The following GNAZ variants were observed in gnomAD, a reference collection of about 807,000 sequenced individuals.
GNAZ encodes G protein subunit alpha z.
A neutral mutation model predicts 25.4 loss-of-function variants in GNAZ; 3 were observed. The observed-to-expected ratio is 0.12, with a 90% CI of 0.05 to 0.30. The LOEUF is 0.30. Among genes scored for constraint, GNAZ ranks in the 10% least tolerant of loss-of-function variants. The pLI, the probability that GNAZ is intolerant of heterozygous loss-of-function variation, is 1.00. For synonymous variants in GNAZ, 211 were observed against 205.7 expected (o/e 1.03, Z -0.22); for missense variants, 241 against 501.8 (o/e 0.48, Z 4.97).
At position 23,096,375 on chromosome 22, in the gene GNAZ, A is replaced by T; in HGVS notation, c.680A>T (p.Glu227Val). Residue 227 changes from glutamate (E) to valine (V), a missense_variant, in exon 2 of 3, where the codon GAG (glutamate) becomes GTG (valine). Coordinates refer to ENST00000615612, the MANE Select transcript of GNAZ (RefSeq NM_002073.4). ...GTCACAGCCATCATCTTCTGTGTGG[A>T]GCTCAGCGGCTACGACCTGAAACTC... ...EGVTAIIFCV[E>V]LSGYDLKLYE... 1 of 1,612,832 alleles carries T rather than the reference A, an allele frequency of 6.2e-7. No individual in the cohort carries two copies. The highest frequency in any genetic ancestry group is 8.5e-7 in the Non-Finnish European group (1 of 1,179,902).
At position 23,095,506 on chromosome 22, in the gene GNAZ, A is replaced by G. The variant is rs962698348; in HGVS notation, c.-190A>G. The G allele has an allele frequency of 1.6e-6, 1 of 636,144 alleles. No individual in the cohort carries two copies. Among genetic ancestry groups the G allele is most frequent in the Non-Finnish European group, 2.7e-6 (1 of 371,640 alleles). The allele number at this position is 636,144 out of a possible 1,614,324, so 39.4% of individuals were successfully genotyped here. ...GAGGGGCGGCCACCGCCCGCTGCACAGAGCGCCATGCCGGCTGGAGAAGAG... is the reference window on the plus strand; with the variant it reads ...GAGGGGCGGCCACCGCCCGCTGCACGGAGCGCCATGCCGGCTGGAGAAGAG... On this transcript the variant is annotated 5_prime_UTR_variant, in exon 2 of 3. Transcript: ENST00000615612.
chr22:23,089,212 G>T (rs1308497755), intron 1 of GNAZ, among the ~76,000 whole-genome samples: 1 of 152,198 alleles, frequency 6.6e-6, no homozygotes, highest in Non-Finnish European at 1.5e-5. Context: ...CCCGCCCCTG[G>T]CTTAGCCGGC....
At chr22:23,077,104 C>T (rs1215570412) in intron 1 of GNAZ, among the ~76,000 whole-genome samples, 39 of 152,142 alleles carry the variant, frequency 2.6e-4, no homozygotes, top group Admixed American at 2.6e-3. Flanking sequence ...GTGATGTCTG[C>T]AGCGGGCACG....
At chr22:23,097,181 G>A (rs556860734) in intron 2 of GNAZ, among the ~76,000 whole-genome samples, 2 of 152,322 alleles carry the variant, frequency 1.3e-5, no homozygotes, top group East Asian at 1.9e-4. Context: ...GGGGATGGGG[G>A]AGTGGGGGCA....
chr22:23,120,049 C>A (rs942428779), intron 2 of GNAZ, among the ~76,000 whole-genome samples: 2 of 152,180 alleles, frequency 1.3e-5, no homozygotes, highest in Admixed American at 6.5e-5. Context: ...AGATGTTTGT[C>A]TGTCCTGATG....
At chr22:23,082,903 C>CA (rs2068721554) in intron 1 of GNAZ, among the ~76,000 whole-genome samples, 1 of 152,116 alleles carries the variant, frequency 6.6e-6, no homozygotes, top group Non-Finnish European at 1.5e-5. Context: ...GTCTTCCCCC[C>CA]AAACCTTGCC....
chr22:23,112,568 C>A, intron 2 of GNAZ, among the ~76,000 whole-genome samples: 1 of 152,152 alleles, frequency 6.6e-6, no homozygotes, highest in South Asian at 2.1e-4. Flanking sequence ...CTGGGCTGAG[C>A]TCCTGGTGGA....
chr22:23,073,136 G>A (rs2068420416), intron 1 of GNAZ, among the ~76,000 whole-genome samples: 1 of 152,268 alleles, frequency 6.6e-6, no homozygotes, highest in Non-Finnish European at 1.5e-5. Context: ...AAGACGGTGT[G>A]TGGTGGCAAA....
chr22:23,123,091 G>A lies in GNAZ; in HGVS notation c.728G>A (p.Arg243Gln). The A allele has an allele frequency of 1.2e-6, 2 of 1,609,468 alleles. No homozygotes were observed. The highest frequency in any genetic ancestry group is 1.7e-6 in the Non-Finnish European group (2 of 1,175,820). ...CCAGTACTTTCCTTTCCCCAGAGTC[G>A]GATGGCAGAGAGCTTGCGCCTCTTT... is the stretch of plus-strand genomic sequence containing the variant. ...LKLYEDNQTS[R>Q]MAESLRLFDS... Residue 243 changes from arginine (R) to glutamine (Q), a missense_variant, in exon 3 of 3, where the codon CGG becomes CAG. By Grantham distance (43) the Arg-to-Gln change is conservative. Coordinates refer to ENST00000615612, the MANE Select transcript of GNAZ (RefSeq NM_002073.4).
rs545366122 is a variant in GNAZ at position 23,123,264 on chromosome 22, G to A, written c.901G>A (p.Ala301Thr). ...YKGQNTYEEA[A>T]VYIQRQFEDL... ...GGGCCAGAACACGTACGAGGAGGCC[G>A]CTGTCTACATCCAGCGGCAGTTTGA... Residue 301 changes from alanine (A) to threonine (T), a missense_variant, in exon 3 of 3, where the codon GCT (alanine) becomes ACT (threonine). Transcript: ENST00000615612. The A allele has an allele frequency of 7.7e-5, 124 of 1,613,924 alleles. No homozygotes were observed. Among genetic ancestry groups the A allele is most frequent in the Non-Finnish European group, 9.4e-5 (111 of 1,179,994 alleles).
intron 2 of GNAZ, among the ~76,000 whole-genome samples, chr22:23,117,152 A>T (rs1010913391): frequency 6.6e-6 from 1 of 152,128 alleles, no homozygotes; most frequent in Non-Finnish European, 1.5e-5. Context: ...GTTACCAGGA[A>T]CGTTGGTAAC....
chr22:23,119,889 G>A (rs990826641), intron 2 of GNAZ, among the ~76,000 whole-genome samples: 3 of 152,170 alleles, frequency 2.0e-5, no homozygotes, highest in Non-Finnish European at 4.4e-5. Flanking sequence ...TCATCTCCTC[G>A]GTGCCCACTA....
Position 23,095,563 on chromosome 22 carries a change from C to A in GNAZ, c.-133C>A. 1.0e-6 allele frequency: 1 copy of A among 987,906 alleles called. No individual in the cohort carries two copies. The highest frequency in any genetic ancestry group is 1.5e-6 in the Non-Finnish European group (1 of 681,436). 61.2% of individuals were successfully genotyped at this position (987,906 alleles called of 1,614,324 possible). A position where few individuals can be genotyped will look rare whatever the true frequency, so the allele number is the denominator to read the frequency against. On this transcript the variant is annotated 5_prime_UTR_variant, in exon 2 of 3. Coordinates refer to ENST00000615612, the MANE Select transcript of GNAZ (RefSeq NM_002073.4). ...GGGCAGGGGCTGCAGTGTGGCTCGGCCTCACCCCCCTGCTGGCACTGAGTG... is the reference window on the plus strand; with the variant it reads ...GGGCAGGGGCTGCAGTGTGGCTCGGACTCACCCCCCTGCTGGCACTGAGTG...
At chr22:23,117,485 C>G (rs1375819224) in intron 2 of GNAZ, among the ~76,000 whole-genome samples, 1 of 152,226 alleles carries the variant, frequency 6.6e-6, no homozygotes, top group African/African-American at 2.4e-5. Context: ...GCTGAGCTGG[C>G]CCTGCATTTG....
At chr22:23,088,735 A>C (rs2068883973) in intron 1 of GNAZ, among the ~76,000 whole-genome samples, 1 of 152,150 alleles carries the variant, frequency 6.6e-6, no homozygotes. Flanking sequence ...TTGAGGCTAG[A>C]GAGTCCTGCA....
At chr22:23,094,197 A>ACATAGGT in intron 1 of GNAZ, among the ~76,000 whole-genome samples, 1 of 152,222 alleles carries the variant, frequency 6.6e-6, no homozygotes, top group Non-Finnish European at 1.5e-5. Context: ...GGGTCTCCGG[A>ACATAGGT]CAGGGACATA....
At chr22:23,087,417 T>C (rs1174604883) in intron 1 of GNAZ, among the ~76,000 whole-genome samples, 1 of 152,170 alleles carries the variant, frequency 6.6e-6, no homozygotes, top group Non-Finnish European at 1.5e-5. Flanking sequence ...TGAACTGTGA[T>C]GGTGCACTGC....
intron 2 of GNAZ, among the ~76,000 whole-genome samples, chr22:23,100,390 G>A (rs2069262932): frequency 6.6e-6 from 1 of 152,260 alleles, no homozygotes; most frequent in Non-Finnish European, 1.5e-5. Flanking sequence ...ACCGTGGGAG[G>A]CCTGGTGTCT....
rs190566890 is a variant in GNAZ at position 23,116,107 on chromosome 22, G to A, written c.724-6980G>A. ...GTGCTCACCACGTGCCCAGGACCAC[G>A]TCTGTGTGTGCGTTTGCCTGGGTAA... On this transcript the variant is annotated intron_variant, in intron 2 of 2. Transcript: ENST00000615612. Among the ~76,000 whole-genome samples, 317 of 152,368 alleles carry A rather than the reference G, an allele frequency of 2.1e-3. 1 individual carries two copies. The highest frequency in any genetic ancestry group is 3.6e-3 in the Non-Finnish European group (246 of 68,042).
Sources: gnomAD v4.1 joint callset for allele counts (sites outside exome capture counted in the v4.1 genomes callset) on GRCh38, gnomAD v4.1.1 for gene constraint, MANE v1.5 for transcripts, NCBI Gene and HGNC (gene_info 2026-07-23, HGNC 2026-07-21) for gene names.